SLC45A4: variants seen among roughly 807,000 people sequenced by gnomAD.
SLC45A4 encodes solute carrier family 45 member 4, also known as polyamine-transporter SLC45A4.
Under a neutral mutation model 63.7 loss-of-function variants are expected in SLC45A4, and 32 were observed. The ratio of observed to expected loss-of-function variants is 0.50; its 90% CI spans 0.38 to 0.67. SLC45A4 has a LOEUF of 0.67. SLC45A4 is among the 30% of genes least tolerant of loss of function. The probability of loss-of-function intolerance (pLI) is 0.00; values close to 1 mark genes in which losing one functional copy is unlikely to be tolerated. For synonymous variants in SLC45A4, 535 were observed against 510.0 expected (o/e 1.05, Z -0.66); for missense variants, 1,027 against 1,157.7 (o/e 0.89, Z 1.64).
intron 1 of SLC45A4, among the ~76,000 whole-genome samples, chr8:141,267,127 G>T (rs577952101): frequency 2.6e-5 from 4 of 152,364 alleles, no homozygotes; most frequent in African/African-American, 9.6e-5. Flanking sequence ...TGCGCATATA[G>T]CAAGTGCTGC....
At chr8:141,272,280 A>C (rs976152430) in intron 1 of SLC45A4, among the ~76,000 whole-genome samples, 5 of 152,236 alleles carry the variant, frequency 3.3e-5, no homozygotes, top group Non-Finnish European at 7.3e-5. Flanking sequence ...GACAGTCCCC[A>C]AAATACACTA....
chr8:141,264,640 C>CA (rs1394703353), intron 1 of SLC45A4, among the ~76,000 whole-genome samples: 2 of 152,206 alleles, frequency 1.3e-5, no homozygotes, highest in Non-Finnish European at 2.9e-5. Flanking sequence ...CCAATATCCT[C>CA]AGGCTGCTGA....
Position 141,254,729 on chromosome 8 carries a change from G to A in SLC45A4, c.-400-100C>T. The A allele has an allele frequency of 1.5e-6, 1 of 685,612 alleles. No homozygotes were observed. Among genetic ancestry groups the A allele is most frequent in the Non-Finnish European group, 2.7e-6 (1 of 374,578 alleles). 42.5% of individuals were successfully genotyped at this position (685,612 alleles called of 1,614,324 possible). ...CCCCCGAGCAAGCCGTGTGCCCCGA[G>A]GGCCCGACCCAAGATCACACAGCTC... On this transcript the variant is annotated intron_variant, in intron 1 of 8. Transcript: ENST00000517878. This position sits in a 1 kb window ranked among gnomAD's most constrained non-coding sequence, Gnocchi z 4.5.
At chr8:141,268,763 G>A (rs1046733209) in intron 1 of SLC45A4, among the ~76,000 whole-genome samples, 5 of 152,118 alleles carry the variant, frequency 3.3e-5, no homozygotes, top group Non-Finnish European at 7.3e-5. Context: ...GCTGACTGCC[G>A]CGTACTTGGG....
intron 6 of SLC45A4, among the ~76,000 whole-genome samples, chr8:141,216,318 C>A (rs549063430): frequency 6.6e-6 from 1 of 152,360 alleles, no homozygotes; most frequent in African/African-American, 2.4e-5. Flanking sequence ...AGGACGATTT[C>A]TTCTCCTGAT....
rs936640242 is a variant in SLC45A4 at position 141,218,873 on chromosome 8, T to C, written c.767A>G (p.Glu256Gly). 1.9e-6 allele frequency: 3 copies of C among 1,613,538 alleles called. No homozygotes were observed. Among genetic ancestry groups the C allele is most frequent in the Non-Finnish European group, 2.5e-6 (3 of 1,179,928 alleles). Reference protein sequence around the residue: ...VALHLFSIDEEQYSPQQERSA... With the variant: ...VALHLFSIDEGQYSPQQERSA... The stretch of plus-strand genomic sequence containing the variant: ...GCGCTCCTGCTGCGGGCTGTACTGC[T>C]CCTCGTCGATGCTGAACAGGTGCAG... The change falls in exon 5 of 9, where the codon GAG becomes GGG. Residue 256 changes from glutamate (E) to glycine (G), a missense_variant. Transcript: ENST00000517878.
chr8:141,251,190 C>T (rs777592339), intron 2 of SLC45A4, among the ~76,000 whole-genome samples: 2 of 152,134 alleles, frequency 1.3e-5, no homozygotes, highest in Non-Finnish European at 2.9e-5. Flanking sequence ...ATGATTAGCT[C>T]GGTGCCAAGT....
Position 141,227,697 on chromosome 8 carries a change from G to A in SLC45A4, c.242-5932C>T, listed in dbSNP as rs541096427. On this transcript the variant is annotated intron_variant, in intron 2 of 8. Transcript: ENST00000517878. This position sits in a 1 kb window ranked among gnomAD's most constrained non-coding sequence, Gnocchi z 4.4. ...CGGCACTGAGGCTCTGTGCTGGCGA[G>A]GGCCCCACAGCTGCAAGGAATGTTC... Among the ~76,000 whole-genome samples, 10 of 152,312 alleles carry A rather than the reference G, an allele frequency of 6.6e-5. No homozygotes were observed. Among genetic ancestry groups the A allele is most frequent in the Admixed American group, 5.9e-4 (9 of 15,308 alleles).
At chr8:141,269,887 T>C (rs1246385744) in intron 1 of SLC45A4, among the ~76,000 whole-genome samples, 1 of 152,148 alleles carries the variant, frequency 6.6e-6, no homozygotes, top group East Asian at 1.9e-4. Flanking sequence ...GGACACCGTA[T>C]GGCCACAGTG....
chr8:141,220,201 T>A (rs1826518368), intron 3 of SLC45A4, among the ~76,000 whole-genome samples: 1 of 152,152 alleles, frequency 6.6e-6, no homozygotes, highest in Non-Finnish European at 1.5e-5. Context: ...CCGCACATGG[T>A]AGTGCAGACG....
At chr8:141,289,577 A>G (rs1830274543) in intron 1 of SLC45A4, among the ~76,000 whole-genome samples, 1 of 152,092 alleles carries the variant, frequency 6.6e-6, no homozygotes, top group Non-Finnish European at 1.5e-5. Context: ...CCTTGGGCGG[A>G]GAAGAGCCGG....
Position 141,215,139 on chromosome 8 carries a change from G to A in SLC45A4, c.1941+620C>T, listed in dbSNP as rs1472014312. On this transcript the variant is annotated intron_variant, in intron 7 of 8. Coordinates refer to ENST00000517878, the MANE Select transcript of SLC45A4 (RefSeq NM_001286646.2). This position sits in a 1 kb window ranked among gnomAD's most constrained non-coding sequence, Gnocchi z 4.3. The stretch of plus-strand genomic sequence containing the variant: ...AAGCCAGATGTTTCAGCTGCATAAA[G>A]TCCAGAAAGAGGCAAGAGTCTGCCT... Among the ~76,000 whole-genome samples the A allele has an allele frequency of 2.6e-5, 4 of 152,248 alleles. No individual in the cohort carries two copies. The highest frequency in any genetic ancestry group is 5.9e-5 in the Non-Finnish European group (4 of 68,046).
chr8:141,250,897 G>A (rs901620820), intron 2 of SLC45A4, among the ~76,000 whole-genome samples: 3 of 152,096 alleles, frequency 2.0e-5, no homozygotes, highest in Non-Finnish European at 4.4e-5. Context: ...ACAAAACAAT[G>A]AAACGTGCAT....
In SLC45A4 at chr8:141,208,264, A is replaced by G. The variant is rs1275499958; in HGVS notation, c.*3308T>C. On this transcript the variant is annotated 3_prime_UTR_variant, in exon 9 of 9. Coordinates refer to ENST00000517878, the MANE Select transcript of SLC45A4 (RefSeq NM_001286646.2). Reference sequence around the variant, plus strand: ...CAAACCATTAGCCATATAAGGGAACAGTTGGTATCTTTAAGAGTATTTTTC... The same window carrying G: ...CAAACCATTAGCCATATAAGGGAACGGTTGGTATCTTTAAGAGTATTTTTC... 6.6e-6 allele frequency: 1 copy of G among 152,200 alleles called. No homozygotes were observed. The highest frequency in any genetic ancestry group is 2.4e-5 in the African/African-American group (1 of 41,448). The allele number at this position is 152,200 out of a possible 1,614,324, so 9.4% of individuals were successfully genotyped here.
At chr8:141,273,164 A>G (rs1201940486) in intron 1 of SLC45A4, among the ~76,000 whole-genome samples, 3 of 152,228 alleles carry the variant, frequency 2.0e-5, no homozygotes, top group African/African-American at 7.2e-5. Context: ...TAGAACATAC[A>G]AAGTTTTGCT....
chr8:141,238,353 G>A (rs1827733087), intron 2 of SLC45A4, among the ~76,000 whole-genome samples: 1 of 151,836 alleles, frequency 6.6e-6, no homozygotes, highest in Non-Finnish European at 1.5e-5. Context: ...TTTAATCCCT[G>A]TGAGCGCACA....
At chr8:141,236,766 GT>G (rs1827645921) in intron 2 of SLC45A4, among the ~76,000 whole-genome samples, 1 of 152,172 alleles carries the variant, frequency 6.6e-6, no homozygotes, top group African/African-American at 2.4e-5. Flanking sequence ...TTTGATACAT[GT>G]TTTAGGGAAA....
intron 1 of SLC45A4, among the ~76,000 whole-genome samples, chr8:141,260,000 C>A (rs905811507): frequency 6.6e-6 from 1 of 152,180 alleles, no homozygotes; most frequent in African/African-American, 2.4e-5. Flanking sequence ...GACCAGCCAC[C>A]GGCTTATGCG....
chr8:141,249,301 C>T (rs756250695), intron 2 of SLC45A4, among the ~76,000 whole-genome samples: 12 of 152,196 alleles, frequency 7.9e-5, no homozygotes, highest in Admixed American at 1.3e-4. Context: ...TTATCACAGC[C>T]TCCAAAATGG....
Sources: allele counts gnomAD v4.1 joint callset (sites outside exome capture counted in the v4.1 genomes callset), GRCh38; gene constraint gnomAD v4.1.1; non-coding constraint Gnocchi (gnomAD v3.1); transcripts MANE v1.5; gene names NCBI Gene and HGNC (gene_info 2026-07-23, HGNC 2026-07-21).